CSMD1: variants seen among roughly 807,000 people sequenced by gnomAD.
CSMD1 encodes the protein CUB and sushi domain-containing protein 1.
CSMD1 carries 213 observed loss-of-function variants against 417.5 expected under a neutral mutation model. The observed-to-expected ratio is 0.51, with a 90% confidence interval of 0.46 to 0.57. The LOEUF is 0.57. Ranked by LOEUF, CSMD1 falls within the 20% of genes least tolerant of loss-of-function variation. The pLI, the probability that CSMD1 is intolerant of heterozygous loss-of-function variation, is 0.00. For synonymous variants in CSMD1, 2,862 were observed against 1,736.8 expected (o/e 1.65, Z -16.11); for missense variants, 6,923 against 4,529.7 (o/e 1.53, Z -15.17).
chr8:4,060,026 T>C (rs1158651356), intron 3 of CSMD1, among the ~76,000 whole-genome samples: 1 of 152,168 alleles, frequency 6.6e-6, no homozygotes, highest in Non-Finnish European at 1.5e-5. Context: ...TTGATGAAGT[T>C]TGATGCAAAA....
intron 26 of CSMD1, among the ~76,000 whole-genome samples, chr8:3,282,970 A>G (rs1246369601): frequency 6.6e-6 from 1 of 152,122 alleles, no homozygotes; most frequent in East Asian, 1.9e-4. Context: ...GCATCTCTCC[A>G]CGGTGCCATC....
chr8:3,422,705 G>A (rs1230847329), intron 12 of CSMD1, among the ~76,000 whole-genome samples: 1 of 152,086 alleles, frequency 6.6e-6, no homozygotes, highest in African/African-American at 2.4e-5. Flanking sequence ...ATTTTTCATC[G>A]TCTTAGTCCC....
chr8:4,155,858 AC>A (rs1216397970), intron 3 of CSMD1, among the ~76,000 whole-genome samples: 1 of 152,178 alleles, frequency 6.6e-6, no homozygotes, highest in East Asian at 1.9e-4. Context: ...AAATGAAACA[AC>A]AAAAAAGTGC....
chr8:2,990,005 G>A (rs1231488883), intron 54 of CSMD1, among the ~76,000 whole-genome samples: 10 of 152,180 alleles, frequency 6.6e-5, no homozygotes, highest in Non-Finnish European at 2.9e-5. Context: ...AAGGCTCTAG[G>A]GGGATGGATA....
chr8:4,938,623 T>C (rs10089221), intron 1 of CSMD1, among the ~76,000 whole-genome samples: 35,723 of 151,984 alleles, frequency 0.24, 4,350 homozygotes, highest in East Asian at 0.38. Flanking sequence ...TACAAGCACA[T>C]TTACATAAAC....
At chr8:3,253,640 G>A (rs1800434408) in intron 26 of CSMD1, among the ~76,000 whole-genome samples, 1 of 152,080 alleles carries the variant, frequency 6.6e-6, no homozygotes, top group Admixed American at 6.6e-5. Context: ...GTTAAAGTCT[G>A]CCATTATTAT....
intron 26 of CSMD1, among the ~76,000 whole-genome samples, chr8:3,264,540 T>C (rs1801297277): frequency 6.6e-6 from 1 of 152,218 alleles, no homozygotes; most frequent in South Asian, 2.1e-4. Context: ...TACCACGTAA[T>C]GCTTCCCTGG....
intron 12 of CSMD1, among the ~76,000 whole-genome samples, chr8:3,441,492 C>CATAT (rs377759438): frequency 0.024 from 3,522 of 143,896 alleles, 138 homozygotes; most frequent in African/African-American, 0.085. Context: ...CATATAATTT[C>CATAT]ATATATATAT....
chr8:2,950,629 A>G (rs1563173567), intron 66 of CSMD1, among the ~76,000 whole-genome samples: 2 of 152,160 alleles, frequency 1.3e-5, no homozygotes, highest in Non-Finnish European at 2.9e-5. Context: ...GATTTTGCTA[A>G]TTAAAAAATC....
intron 41 of CSMD1, among the ~76,000 whole-genome samples, chr8:3,134,365 C>G (rs1171907693): frequency 2.0e-5 from 3 of 152,130 alleles, no homozygotes; most frequent in African/African-American, 4.8e-5. Flanking sequence ...ATTCCACGGT[C>G]ACAGGCAGCA....
chr8:4,095,771 A>G (rs1800975908), intron 3 of CSMD1, among the ~76,000 whole-genome samples: 1 of 152,228 alleles, frequency 6.6e-6, no homozygotes, highest in African/African-American at 2.4e-5. Context: ...TATTACGTGA[A>G]TTCAGTTCTA....
intron 3 of CSMD1, among the ~76,000 whole-genome samples, chr8:4,379,559 T>A (rs1802968932): frequency 6.6e-6 from 1 of 152,210 alleles, no homozygotes; most frequent in South Asian, 2.1e-4. Context: ...TTTTTGCAAT[T>A]TTGTGGTGTC....
At chr8:3,450,736 C>A (rs549374381) in intron 12 of CSMD1, among the ~76,000 whole-genome samples, 6 of 152,072 alleles carry the variant, frequency 3.9e-5, no homozygotes, top group African/African-American at 1.4e-4. Flanking sequence ...TGGGTTGGTT[C>A]CAAGTCTTTG....
At chr8:4,825,042 G>C (rs931535458) in intron 1 of CSMD1, among the ~76,000 whole-genome samples, 21 of 152,168 alleles carry the variant, frequency 1.4e-4, no homozygotes, top group African/African-American at 5.1e-4. Context: ...CCTTTTTGAA[G>C]TCAAGCTTCT....
At chr8:3,688,712 C>A (rs1229000524) in intron 7 of CSMD1, among the ~76,000 whole-genome samples, 2 of 152,232 alleles carry the variant, frequency 1.3e-5, no homozygotes, top group Non-Finnish European at 2.9e-5. Flanking sequence ...ATTTCTTTCT[C>A]CTCAATTAAA....
chr8:4,353,616 A>G (rs1400284630), intron 3 of CSMD1, among the ~76,000 whole-genome samples: 1 of 151,984 alleles, frequency 6.6e-6, no homozygotes, highest in African/African-American at 2.4e-5. Flanking sequence ...GCAACTAAAG[A>G]GCAGAGTCAC....
At chr8:2,986,771 T>G (rs1267975119) in intron 54 of CSMD1, among the ~76,000 whole-genome samples, 2 of 152,152 alleles carry the variant, frequency 1.3e-5, no homozygotes, top group Non-Finnish European at 2.9e-5. Context: ...CCCAAAGTGC[T>G]GGGATTACAG....
intron 7 of CSMD1, among the ~76,000 whole-genome samples, chr8:3,700,969 T>C (rs1425178045): frequency 6.6e-6 from 1 of 151,036 alleles, no homozygotes; most frequent in Non-Finnish European, 1.5e-5. Context: ...GAGGATGACA[T>C]GATGATACAG....
At chr8:4,513,586 T>C (rs563346263) in intron 2 of CSMD1, among the ~76,000 whole-genome samples, 21 of 152,156 alleles carry the variant, frequency 1.4e-4, no homozygotes, top group Non-Finnish European at 3.1e-4. Flanking sequence ...TTAAGCACAT[T>C]TGTGTTAAAT....
Sources: allele counts gnomAD v4.1 joint callset (sites outside exome capture counted in the v4.1 genomes callset), GRCh38; gene constraint gnomAD v4.1.1; transcripts MANE v1.5; gene names NCBI Gene and HGNC (gene_info 2026-07-23, HGNC 2026-07-21).